Variants in MOCS2 observed in about 807,000 individuals in gnomAD.
MOCS2 encodes molybdenum cofactor synthesis 2, also known as molybdopterin synthase catalytic subunit.
In MOCS2, 13 loss-of-function variants were observed where a neutral mutation model predicts 21.9. That is an observed-to-expected ratio of 0.59 (90% CI 0.39 to 0.94). The LOEUF (loss-of-function observed/expected upper bound fraction) is 0.94, where lower values mean the gene tolerates loss of function less well. Ranked by LOEUF, MOCS2 falls within the 40% of genes least tolerant of loss-of-function variation. The pLI is 0.00. For synonymous variants in MOCS2, 92 were observed against 80.8 expected, an observed-to-expected ratio of 1.14 and a Z score of -0.74; for missense variants, 227 against 218.3, an observed-to-expected ratio of 1.04 and a Z score of -0.25.
intron 3 of MOCS2, among the ~76,000 whole-genome samples, chr5:53,105,921 AG>A (rs1741036949): frequency 6.6e-6 from 1 of 152,230 alleles, no homozygotes. Context: ...GGACATGAAC[AG>A]GAACTTTTCA....
chr5:53,099,186 A>G (rs1740839265), intron 6 of MOCS2, among the ~76,000 whole-genome samples: 1 of 152,146 alleles, frequency 6.6e-6, no homozygotes. Flanking sequence ...GAGGAATTCA[A>G]ATTCAACTGT....
intron 5 of MOCS2, 137 bp downstream of exon 5, chr5:53,101,217 ATCCCT>A: frequency 1.1e-6 from 1 of 900,760 alleles, no homozygotes; most frequent in East Asian, 2.6e-5. Context: ...ACTAACAGCC[ATCCCT>A]ATTGTCCTCC....
intron 6 of MOCS2, among the ~76,000 whole-genome samples, chr5:53,099,625 A>G (rs1018291247): frequency 2.0e-5 from 3 of 152,180 alleles, no homozygotes; most frequent in Non-Finnish European, 4.4e-5. Context: ...TATGAGTCCA[A>G]CTTGCTTATT....
Position 53,109,715 on chromosome 5 carries a change from G to A in MOCS2, c.-634C>T. On this transcript the variant is annotated 5_prime_UTR_variant, in exon 1 of 7. Coordinates refer to ENST00000396954, the MANE Select transcript of MOCS2 (RefSeq NM_004531.5). ...CACGCACACCCGCCACCCTTACCTG[G>A]CACAGCGGCACCATCCCGCCTAGGA... The A allele has an allele frequency of 6.4e-7, 1 of 1,552,560 alleles. No homozygotes were observed. Among genetic ancestry groups the A allele is most frequent in the East Asian group, 2.4e-5 (1 of 40,990 alleles).
At chr5:53,100,756 C>T in intron 5 of MOCS2, 1 of 525,396 alleles carries the variant, frequency 1.9e-6, no homozygotes, top group Non-Finnish European at 3.4e-6. Flanking sequence ...TAGAATCTAT[C>T]CACTAAACCC....
At position 53,106,229 on chromosome 5, in the gene MOCS2, T is replaced by A. The variant is rs1466090480; in HGVS notation, c.98+848A>T. ...TACCCAGAGAAATATAATCGTTCTGTCATAAAGACACATGCACACGTCTGT... is the reference window on the plus strand; with the variant it reads ...TACCCAGAGAAATATAATCGTTCTGACATAAAGACACATGCACACGTCTGT... On this transcript the variant is annotated intron_variant, in intron 3 of 6. Transcript: ENST00000396954. 5.9e-5 allele frequency among the ~76,000 whole-genome samples: 9 copies of A among 152,264 alleles called. No homozygotes were observed. In the South Asian group the frequency reaches 1.5e-3, roughly 25 times the overall value.
At position 53,096,736 on chromosome 5, in the gene MOCS2, G is replaced by A. The variant is rs902025066; in HGVS notation, c.*1866C>T. The A allele has an allele frequency of 6.6e-6, 1 of 152,114 alleles. No individual in the cohort carries two copies. The highest frequency in any genetic ancestry group is 6.5e-5 in the Admixed American group (1 of 15,282). The allele number at this position is 152,114 out of a possible 1,614,324, so 9.4% of individuals were successfully genotyped here. On this transcript the variant is annotated 3_prime_UTR_variant, in exon 7 of 7. Transcript: ENST00000396954. The stretch of plus-strand genomic sequence containing the variant: ...TTAACTCCTTAACCTCTCTGTTGGA[G>A]ACTTTAAAAGCATAACAGTCTCAGT...
Position 53,102,220 on chromosome 5 carries a change from C to A in MOCS2, c.103G>T (p.Asp35Tyr). 6.2e-7 allele frequency: 1 copy of A among 1,611,762 alleles called. No homozygotes were observed. The highest frequency in any genetic ancestry group is 1.1e-5 in the South Asian group (1 of 90,952). ...GATTTCTCTTCAACTTCATCCATAT[C>A]TTTCCTAGAAATAATACATTAACAA... ...EDSAFEPSRK[D>Y]MDEVEEKSKD... The change falls in exon 4 of 7, where the codon GAT (aspartate) becomes TAT (tyrosine). Residue 35 changes from aspartate (D) to tyrosine (Y), a missense_variant. Coordinates refer to ENST00000396954, the MANE Select transcript of MOCS2 (RefSeq NM_004531.5).
chr5:53,098,243 T>C lies in MOCS2; in HGVS notation c.*359A>G, dbSNP rs1274767909. 4.3e-6 allele frequency: 1 copy of C among 234,886 alleles called. No homozygotes were observed. Among genetic ancestry groups the C allele is most frequent in the Non-Finnish European group, 8.4e-6 (1 of 118,960 alleles). The allele number at this position is 234,886 out of a possible 1,614,324, so 14.6% of individuals were successfully genotyped here. On this transcript the variant is annotated 3_prime_UTR_variant, in exon 7 of 7. Coordinates refer to ENST00000396954, the MANE Select transcript of MOCS2 (RefSeq NM_004531.5). ...CGGGATGGGGGGCGGTGAGGTGGGG[T>C]TGGTGGGGGAGTACGTTTCTGAGCT... is the stretch of plus-strand genomic sequence containing the variant.
chr5:53,100,996 A>G, intron 5 of MOCS2: 1 of 339,618 alleles, frequency 2.9e-6, no homozygotes, highest in Non-Finnish European at 5.4e-6. Flanking sequence ...AGTCTCAATT[A>G]CTGGCTTCTT....
chr5:53,107,307 T>C (rs893303610), intron 2 of MOCS2, 86 bp from the exon 3 acceptor site: 3 of 1,247,498 alleles, frequency 2.4e-6, no homozygotes, highest in Non-Finnish European at 3.4e-6. Context: ...ATTACATAGA[T>C]ATAATTATAT....
chr5:53,101,368 T>C lies in MOCS2; in HGVS notation c.368A>G (p.His123Arg), dbSNP rs886899558. 1.2e-6 allele frequency: 2 copies of C among 1,613,926 alleles called. No homozygotes were observed. The highest frequency in any genetic ancestry group is 1.7e-6 in the Non-Finnish European group (2 of 1,179,916). ...ATAAAGGAAATCATACCCAAGTCTATGGAACACTGCTATGTGTTTGACTGG... is the reference window on the plus strand; with the variant it reads ...ATAAAGGAAATCATACCCAAGTCTACGGAACACTGCTATGTGTTTGACTGG... The part of the protein sequence containing the change: ...KWPVKHIAVF[H>R]RLGLVPVSEA... Residue 123 changes from histidine (H) to arginine (R), a missense_variant, in exon 5 of 7, where the codon CAT (histidine) becomes CGT (arginine). Transcript: ENST00000396954.
chr5:53,102,159 G>A lies in MOCS2; in HGVS notation c.164C>T (p.Ser55Leu). 1.2e-6 allele frequency: 2 copies of A among 1,613,196 alleles called. No homozygotes were observed. Among genetic ancestry groups the A allele is most frequent in the Non-Finnish European group, 1.7e-6 (2 of 1,179,308 alleles). ...CACCAACTGTGAGACTTCATCTACT[G>A]AAAGTTTCTCGGCAGTAAAGTTTAT... ...DVINFTAEKL[S>L]VDEVSQLVIS... Residue 55 changes from serine (S) to leucine (L), a missense_variant, in exon 4 of 7, where the codon TCA (serine) becomes TTA (leucine). Transcript: ENST00000396954.
chr5:53,108,547 T>G lies in MOCS2; in HGVS notation c.-73A>C. The G allele has an allele frequency of 6.2e-7, 1 of 1,613,638 alleles. No homozygotes were observed. Among genetic ancestry groups the G allele is most frequent in the Non-Finnish European group, 8.5e-7 (1 of 1,179,772 alleles). On this transcript the variant is annotated 5_prime_UTR_variant, in exon 2 of 7. Coordinates refer to ENST00000396954, the MANE Select transcript of MOCS2 (RefSeq NM_004531.5). ...CCAGGATGTCGAGTTTCTATCTCCT[T>G]CCACAGCTGCAACGCTTTTATTTCT...
chr5:53,108,398 T>C, intron 2 of MOCS2, 124 bp downstream of exon 2: 1 of 959,322 alleles, frequency 1.0e-6, no homozygotes, highest in Non-Finnish European at 1.5e-6. Context: ...CCAAAAAAAA[T>C]ACAACTAACG....
chr5:53,109,745 G>A lies in MOCS2; in HGVS notation c.-664C>T, dbSNP rs764809636. The A allele has an allele frequency of 9.0e-6, 14 of 1,549,036 alleles. No homozygotes were observed. Among genetic ancestry groups the A allele is most frequent in the East Asian group, 2.4e-5 (1 of 40,896 alleles). ...GCGGCACCATCCCGCCTAGGACAGC[G>A]GGACCGAATCACGGCCGCAAAGGCG... On this transcript the variant is annotated 5_prime_UTR_variant, in exon 1 of 7. Coordinates refer to ENST00000396954, the MANE Select transcript of MOCS2 (RefSeq NM_004531.5).
chr5:53,104,281 C>T (rs116729667), intron 3 of MOCS2, among the ~76,000 whole-genome samples: 3 of 152,152 alleles, frequency 2.0e-5, no homozygotes, highest in Admixed American at 6.5e-5. Flanking sequence ...ATATGGTCTA[C>T]GAGTTTCAAA....
chr5:53,104,647 C>T (rs1741002926), intron 3 of MOCS2, among the ~76,000 whole-genome samples: 1 of 152,126 alleles, frequency 6.6e-6, no homozygotes, highest in African/African-American at 2.4e-5. Flanking sequence ...CTAGTGTTGA[C>T]ATGAGAGGCA....
chr5:53,104,675 ATTC>A (rs1334412820), intron 3 of MOCS2, among the ~76,000 whole-genome samples: 1 of 152,156 alleles, frequency 6.6e-6, no homozygotes, highest in Non-Finnish European at 1.5e-5. Flanking sequence ...TTACAGATTG[ATTC>A]TTCATTTCTT....
Sources: allele counts gnomAD v4.1 joint callset (sites outside exome capture counted in the v4.1 genomes callset), GRCh38; gene constraint gnomAD v4.1.1; transcripts MANE v1.5; gene names NCBI Gene and HGNC (gene_info 2026-07-23, HGNC 2026-07-21).